PARD3B: variants seen among roughly 807,000 people sequenced by gnomAD.
The protein encoded by PARD3B is partitioning defective 3 homolog B.
A neutral mutation model predicts 130.2 loss-of-function variants in PARD3B; 103 were observed. The observed-to-expected ratio is 0.79, with a 90% confidence interval of 0.67 to 0.93. The LOEUF (loss-of-function observed/expected upper bound fraction) is 0.93, where lower values mean the gene tolerates loss of function less well. Among genes scored for constraint, PARD3B ranks in the 40% least tolerant of loss-of-function variants. PARD3B has a pLI of 0.00. For synonymous variants in PARD3B, 583 were observed against 553.2 expected, an observed-to-expected ratio of 1.05 and a Z score of -0.76; for missense variants, 1,609 against 1,499.2, an observed-to-expected ratio of 1.07 and a Z score of -1.21.
chr2:205,599,637 C>T (rs181877562), intron 22 of PARD3B, among the ~76,000 whole-genome samples: 8 of 152,274 alleles, frequency 5.3e-5, no homozygotes, highest in East Asian at 1.9e-4. Flanking sequence ...GCTTCAATTT[C>T]GACCATTTAC....
At chr2:205,435,935 C>G (rs2047498242) in intron 19 of PARD3B, among the ~76,000 whole-genome samples, 1 of 152,132 alleles carries the variant, frequency 6.6e-6, no homozygotes, top group Non-Finnish European at 1.5e-5. Context: ...GCTGCTATAA[C>G]AAAACCCTGA....
chr2:204,775,937 C>G (rs1311441910), intron 2 of PARD3B, among the ~76,000 whole-genome samples: 1 of 152,082 alleles, frequency 6.6e-6, no homozygotes, highest in Non-Finnish European at 1.5e-5. Context: ...AGCATGTTTC[C>G]CAGAAGCCTG....
At chr2:205,002,027 A>G (rs1263889826) in intron 3 of PARD3B, among the ~76,000 whole-genome samples, 1 of 152,196 alleles carries the variant, frequency 6.6e-6, no homozygotes, top group African/African-American at 2.4e-5. Context: ...AAACAAAAAT[A>G]TATTTACTCC....
intron 21 of PARD3B, among the ~76,000 whole-genome samples, chr2:205,517,640 C>G (rs1459458348): frequency 6.6e-6 from 1 of 151,922 alleles, no homozygotes; most frequent in East Asian, 1.9e-4. Context: ...TTGATTCGTT[C>G]TTGCTTCTCT....
chr2:205,499,540 A>C (rs2050078919), intron 20 of PARD3B, among the ~76,000 whole-genome samples: 1 of 152,158 alleles, frequency 6.6e-6, no homozygotes, highest in Non-Finnish European at 1.5e-5. Context: ...AGCAATACTT[A>C]TTGAGAAAAT....
intron 3 of PARD3B, among the ~76,000 whole-genome samples, chr2:205,019,868 G>T (rs915198416): frequency 6.6e-6 from 1 of 152,112 alleles, no homozygotes; most frequent in African/African-American, 2.4e-5. Flanking sequence ...GAGAGAATAG[G>T]GCATGGCAGA....
At position 204,561,877 on chromosome 2, in the gene PARD3B, G is replaced by A. The variant is rs186735069; in HGVS notation, c.120+15758G>A. ...CTCCCAAAGTGCTGAGATTACAGGC[G>A]TGAGTCACCGCGCCCGGCCATCTCC... On this transcript the variant is annotated intron_variant, in intron 1 of 22. Coordinates refer to ENST00000406610, the MANE Select transcript of PARD3B (RefSeq NM_001302769.2). Among the ~76,000 whole-genome samples the A allele has an allele frequency of 9.4e-3, 1,423 of 152,140 alleles. 23 individuals carry two copies. Among genetic ancestry groups the A allele is most frequent in the African/African-American group, 0.033 (1,379 of 41,502 alleles).
intron 4 of PARD3B, among the ~76,000 whole-genome samples, chr2:205,099,068 T>TC (rs1702580690): frequency 6.6e-6 from 1 of 152,176 alleles, no homozygotes; most frequent in Non-Finnish European, 1.5e-5. Context: ...TCTGACCAGT[T>TC]GGCAGGACAC....
At chr2:205,449,261 C>T (rs2048017085) in intron 20 of PARD3B, among the ~76,000 whole-genome samples, 1 of 151,248 alleles carries the variant, frequency 6.6e-6, no homozygotes, top group African/African-American at 2.4e-5. Context: ...CAGGGTTTCC[C>T]TCTTGTTGCC....
At chr2:204,808,436 T>C (rs1051781730) in intron 2 of PARD3B, among the ~76,000 whole-genome samples, 3 of 152,178 alleles carry the variant, frequency 2.0e-5, no homozygotes, top group Non-Finnish European at 4.4e-5. Context: ...TTTTATCACC[T>C]GTGTACTAAA....
At chr2:204,700,709 G>T (rs1173579747) in intron 2 of PARD3B, among the ~76,000 whole-genome samples, 9 of 152,054 alleles carry the variant, frequency 5.9e-5, no homozygotes, top group Admixed American at 5.9e-4. Flanking sequence ...AATGCTTTAA[G>T]AATTCATCTA....
chr2:204,959,256 G>T (rs939936071), intron 2 of PARD3B, among the ~76,000 whole-genome samples: 4 of 152,094 alleles, frequency 2.6e-5, no homozygotes, highest in African/African-American at 9.7e-5. Flanking sequence ...GTGTTAGTTT[G>T]GTAAGGATGA....
At chr2:205,387,468 T>A (rs1263844592) in intron 18 of PARD3B, among the ~76,000 whole-genome samples, 8 of 152,210 alleles carry the variant, frequency 5.3e-5, no homozygotes, top group Non-Finnish European at 8.8e-5. Context: ...TTATTGTTCT[T>A]TTATCCAAAG....
At position 204,990,844 on chromosome 2, in the gene PARD3B, G is replaced by C. The variant is rs554383029; in HGVS notation, c.394+25521G>C. ...CTTTATATAAAAGTTTCATAATTTT[G>C]TCTGTTTAAAAGTTTACTTTACATA... On this transcript the variant is annotated intron_variant, in intron 3 of 22. Transcript: ENST00000406610. Among the ~76,000 whole-genome samples, 5 of 152,040 alleles carry C rather than the reference G, an allele frequency of 3.3e-5. No homozygotes were observed. The South Asian group carries it at 8.3e-4, about 25-fold the overall frequency.
At chr2:205,067,457 C>T (rs952965996) in intron 4 of PARD3B, among the ~76,000 whole-genome samples, 1 of 152,062 alleles carries the variant, frequency 6.6e-6, no homozygotes, top group African/African-American at 2.4e-5. Flanking sequence ...AGCCACGATA[C>T]CCAGCCTATA....
intron 16 of PARD3B, among the ~76,000 whole-genome samples, chr2:205,282,013 AAAT>A (rs1402211067): frequency 6.6e-6 from 1 of 152,214 alleles, no homozygotes; most frequent in Non-Finnish European, 1.5e-5. Flanking sequence ...TTTTTTAAAC[AAAT>A]AATTTTTTTC....
rs1441715088 is a variant in PARD3B at position 205,470,523 on chromosome 2, G to A, written c.3045-29373G>A. Among the ~76,000 whole-genome samples the A allele has an allele frequency of 2.0e-5, 3 of 152,008 alleles. No homozygotes were observed. Among genetic ancestry groups the A allele is most frequent in the East Asian group, 1.9e-4 (1 of 5,180 alleles). On this transcript the variant is annotated intron_variant, in intron 20 of 22. Transcript: ENST00000406610. The surrounding 1 kb of genome is among the most constrained non-coding windows in gnomAD (Gnocchi z 4.8). ...ATTTCTCCTGAATCTCCCTAAACTC[G>A]CATCAGATCTCTTTTGTCCATTCAG...
intron 10 of PARD3B, among the ~76,000 whole-genome samples, chr2:205,136,519 A>G (rs12475054): frequency 0.019 from 2,880 of 152,298 alleles, 48 homozygotes; most frequent in South Asian, 0.051. Context: ...TTCCCGGCTT[A>G]TGGAAATGCC....
intron 2 of PARD3B, among the ~76,000 whole-genome samples, chr2:204,883,946 T>C (rs115362556): frequency 0.082 from 12,130 of 147,154 alleles, 605 homozygotes; most frequent in African/African-American, 0.14. Flanking sequence ...ACTATCTTGG[T>C]CAGGCTGATC....
Sources: allele counts gnomAD v4.1 joint callset (sites outside exome capture counted in the v4.1 genomes callset), GRCh38; gene constraint gnomAD v4.1.1; non-coding constraint Gnocchi (gnomAD v3.1); transcripts MANE v1.5; gene names NCBI Gene and HGNC (gene_info 2026-07-23, HGNC 2026-07-21).